FGGY: variants seen among roughly 807,000 people sequenced by gnomAD.
FGGY encodes FGGY carbohydrate kinase domain containing, also known as FGGY carbohydrate kinase domain-containing protein.
A neutral mutation model predicts 71.3 loss-of-function variants in FGGY; 72 were observed. The observed-to-expected ratio is 1.01, with a 90% CI of 0.84 to 1.23. The LOEUF (loss-of-function observed/expected upper bound fraction) is 1.23, where lower values mean the gene tolerates loss of function less well. Among genes scored for constraint, FGGY ranks in the 50% most tolerant of loss-of-function variants. The probability of loss-of-function intolerance (pLI) is 0.00; values close to 1 mark genes in which losing one functional copy is unlikely to be tolerated. For synonymous variants in FGGY, 251 were observed against 250.3 expected (o/e 1.00, Z -0.02); for missense variants, 668 against 682.3 (o/e 0.98, Z 0.23).
Position 59,346,341 on chromosome 1 carries a change from C to G in FGGY, c.408C>G (p.Tyr136Ter). The G allele has an allele frequency of 6.2e-7, 1 of 1,612,008 alleles. No individual in the cohort carries two copies. The highest frequency in any genetic ancestry group is 8.5e-7 in the Non-Finnish European group (1 of 1,179,670). ...INETKHSVLQ[Y>*]VGGVMSVEMQ... ...AGACCAAGCACAGTGTCCTCCAGTACGTCGGGGGGGTGATGTCTGTGGAAA... is the reference window on the plus strand; with the variant it reads ...AGACCAAGCACAGTGTCCTCCAGTAGGTCGGGGGGGTGATGTCTGTGGAAA... Residue 136 changes from tyrosine to a stop codon, truncating the protein, a stop_gained, in exon 4 of 16, where the codon TAC becomes TAG. Coordinates refer to ENST00000303721, the MANE Select transcript of FGGY (RefSeq NM_018291.5). LOFTEE classifies it high-confidence loss of function.
rs2046728922 is a variant in FGGY, at chr1:59,323,253, T to TA, written c.201+1509dup. 2.6e-5 allele frequency among the ~76,000 whole-genome samples: 4 copies of TA among 152,174 alleles called. No homozygotes were observed. In the South Asian group the frequency reaches 8.3e-4, roughly 32 times the overall value. On this transcript the variant is annotated intron_variant, in intron 2 of 15. Transcript: ENST00000303721. Reference sequence around the variant, plus strand: ...ATAATCCCCTGATGAAAAGCTACTTTAAAAAAGGTCTACTCTAAGTACAGC... The same window carrying TA: ...ATAATCCCCTGATGAAAAGCTACTTTAAAAAAAGGTCTACTCTAAGTACAGC...
intron 14 of FGGY, among the ~76,000 whole-genome samples, chr1:59,746,259 C>T (rs1435598452): frequency 1.3e-5 from 2 of 152,006 alleles, no homozygotes; most frequent in Non-Finnish European, 2.9e-5. Context: ...GGCTTTTTTG[C>T]CTGCAACTGC....
At chr1:59,761,550 G>C (rs1339644869) in intron 15 of FGGY, among the ~76,000 whole-genome samples, 1 of 152,156 alleles carries the variant, frequency 6.6e-6, no homozygotes, top group Non-Finnish European at 1.5e-5. Flanking sequence ...GGACAAAGTT[G>C]CAAGGCTGCA....
intron 14 of FGGY, among the ~76,000 whole-genome samples, chr1:59,749,362 G>A (rs1286672634): frequency 6.6e-6 from 1 of 152,160 alleles, no homozygotes; most frequent in African/African-American, 2.4e-5. Context: ...CATCTGAAGT[G>A]TGGGCAGTCT....
chr1:59,466,114 G>C (rs920380214), intron 6 of FGGY, among the ~76,000 whole-genome samples: 1 of 152,122 alleles, frequency 6.6e-6, no homozygotes, highest in Non-Finnish European at 1.5e-5. Context: ...ATACTACAAG[G>C]CTACAGTAAC....
chr1:59,572,024 G>C (rs2095995364), intron 8 of FGGY, among the ~76,000 whole-genome samples: 1 of 152,200 alleles, frequency 6.6e-6, no homozygotes, highest in Non-Finnish European at 1.5e-5. Context: ...GAGGTTAAAA[G>C]ATGCTTTCAG....
chr1:59,552,660 A>G (rs1032182677), intron 7 of FGGY, among the ~76,000 whole-genome samples: 5 of 152,002 alleles, frequency 3.3e-5, no homozygotes, highest in Admixed American at 6.5e-5. Context: ...TTGAGTATAG[A>G]CTGAACTTCC....
chr1:59,491,104 T>C (rs12067540), intron 6 of FGGY, among the ~76,000 whole-genome samples: 1 of 49,492 alleles, frequency 2.0e-5, no homozygotes, highest in Non-Finnish European at 3.7e-5. Flanking sequence ...CCTTCCTTCC[T>C]TCCCTCCTTC....
At chr1:59,597,141 G>A (rs2153803530) in intron 8 of FGGY, among the ~76,000 whole-genome samples, 1 of 152,262 alleles carries the variant, frequency 6.6e-6, no homozygotes, top group East Asian at 1.9e-4. Context: ...GTGTTTTGAA[G>A]GTCAGGATTC....
intron 14 of FGGY, among the ~76,000 whole-genome samples, chr1:59,688,225 C>G (rs930921675): frequency 4.6e-5 from 7 of 152,156 alleles, no homozygotes; most frequent in African/African-American, 1.4e-4. Context: ...AGCCCTGGAC[C>G]ATTCACTATT....
At chr1:59,537,038 G>C (rs1042658776) in intron 7 of FGGY, among the ~76,000 whole-genome samples, 1 of 151,804 alleles carries the variant, frequency 6.6e-6, no homozygotes, top group African/African-American at 2.4e-5. Flanking sequence ...ATTCAATTAG[G>C]AAAAGAGGAA....
At chr1:59,347,806 C>T (rs2052391176) in intron 4 of FGGY, among the ~76,000 whole-genome samples, 1 of 152,120 alleles carries the variant, frequency 6.6e-6, no homozygotes, top group Non-Finnish European at 1.5e-5. Flanking sequence ...AAAATTAATT[C>T]AAGATGGATT....
chr1:59,601,930 A>G (rs1331955256), intron 8 of FGGY, among the ~76,000 whole-genome samples: 1 of 152,198 alleles, frequency 6.6e-6, no homozygotes, highest in Non-Finnish European at 1.5e-5. Flanking sequence ...AGCAAGTACT[A>G]GGGGTACTAC....
intron 2 of FGGY, among the ~76,000 whole-genome samples, chr1:59,327,816 T>G (rs1264830449): frequency 6.6e-6 from 1 of 152,228 alleles, no homozygotes; most frequent in African/African-American, 2.4e-5. Context: ...ACAACATTCA[T>G]CTCCTTGTAC....
At chr1:59,349,624 A>T (rs114055388) in intron 4 of FGGY, among the ~76,000 whole-genome samples, 3,722 of 152,294 alleles carry the variant, frequency 0.024, 174 homozygotes, top group African/African-American at 0.086. Flanking sequence ...AATTTATTTT[A>T]AAAAATCAAT....
intron 14 of FGGY, 120 bp from the exon 15 acceptor site, chr1:59,757,811 G>A (rs2098306160): frequency 3.3e-6 from 2 of 608,378 alleles, no homozygotes; most frequent in South Asian, 2.3e-5. Context: ...TGAAAAAAAA[G>A]AGGACTAACC....
intron 1 of FGGY, among the ~76,000 whole-genome samples, chr1:59,297,943 A>G (rs2153070481): frequency 6.6e-6 from 1 of 152,372 alleles, no homozygotes; most frequent in East Asian, 1.9e-4. Flanking sequence ...TGACATGACC[A>G]AAGTCTGAAA....
At chr1:59,390,453 T>G (rs917855518) in intron 5 of FGGY, among the ~76,000 whole-genome samples, 4 of 152,180 alleles carry the variant, frequency 2.6e-5, no homozygotes, top group Admixed American at 2.6e-4. Context: ...GTTTCCATTA[T>G]CAAGTCCACA....
chr1:59,632,505 C>T (rs1572371488), intron 10 of FGGY, among the ~76,000 whole-genome samples: 2 of 152,118 alleles, frequency 1.3e-5, no homozygotes, highest in African/African-American at 4.8e-5. Context: ...TCTTAAAATT[C>T]ACTAGTCCTC....
Sources: gnomAD v4.1 joint callset for allele counts (sites outside exome capture counted in the v4.1 genomes callset) on GRCh38, gnomAD v4.1.1 for gene constraint, MANE v1.5 for transcripts, NCBI Gene and HGNC (gene_info 2026-07-23, HGNC 2026-07-21) for gene names.